Variants in IMMP2L observed in about 807,000 individuals in gnomAD.
IMMP2L encodes mitochondrial inner membrane protease subunit 2.
In IMMP2L, 18 loss-of-function variants were observed where a neutral mutation model predicts 19.3. The observed-to-expected ratio is 0.93, with a 90% CI of 0.64 to 1.38. The LOEUF is 1.38. IMMP2L is among the 40% of genes most tolerant of loss of function. The probability of loss-of-function intolerance (pLI) is 0.00; values close to 1 mark genes in which losing one functional copy is unlikely to be tolerated. For missense variants in IMMP2L, 233 were observed against 218.2 expected, an observed-to-expected ratio of 1.07 and a Z score of -0.43; for synonymous variants, 76 against 73.0, an observed-to-expected ratio of 1.04 and a Z score of -0.21.
At chr7:110,926,359 T>C (rs1303422413) in intron 4 of IMMP2L, among the ~76,000 whole-genome samples, 1 of 152,096 alleles carries the variant, frequency 6.6e-6, no homozygotes, top group African/African-American at 2.4e-5. Context: ...CTTTTCATCT[T>C]CTATTTAACC....
At chr7:111,108,416 T>C (rs2129582191) in intron 3 of IMMP2L, among the ~76,000 whole-genome samples, 1 of 152,264 alleles carries the variant, frequency 6.6e-6, no homozygotes, top group South Asian at 2.1e-4. Context: ...GTCACAAATT[T>C]TAAGAAACTA....
intron 5 of IMMP2L, among the ~76,000 whole-genome samples, chr7:110,866,061 T>C (rs1807949071): frequency 6.6e-6 from 1 of 151,988 alleles, no homozygotes; most frequent in African/African-American, 2.4e-5. Flanking sequence ...TCTATGACCT[T>C]TGAGTAATAA....
At chr7:110,700,459 C>T (rs902175689) in intron 5 of IMMP2L, among the ~76,000 whole-genome samples, 3 of 152,112 alleles carry the variant, frequency 2.0e-5, no homozygotes, top group Non-Finnish European at 2.9e-5. Context: ...ATATTCAGGC[C>T]GTAACTACTG....
intron 1 of IMMP2L, among the ~76,000 whole-genome samples, chr7:111,545,858 A>G (rs1343995889): frequency 6.6e-6 from 1 of 152,144 alleles, no homozygotes; most frequent in East Asian, 1.9e-4. Context: ...AATAACCTCC[A>G]TCCCTGTTCT....
intron 3 of IMMP2L, among the ~76,000 whole-genome samples, chr7:111,201,591 C>A (rs981037048): frequency 6.6e-6 from 1 of 151,934 alleles, no homozygotes; most frequent in Non-Finnish European, 1.5e-5. Context: ...GTGGCATGTA[C>A]CTATAGTCCC....
intron 3 of IMMP2L, among the ~76,000 whole-genome samples, chr7:111,225,570 A>G (rs1156983262): frequency 1.3e-5 from 2 of 151,920 alleles, no homozygotes; most frequent in Admixed American, 6.6e-5. Context: ...TCTATAGGAA[A>G]GTACTACTTA....
intron 5 of IMMP2L, among the ~76,000 whole-genome samples, chr7:110,808,481 A>G (rs1163853990): frequency 1.3e-5 from 2 of 152,042 alleles, no homozygotes; most frequent in East Asian, 1.9e-4. Flanking sequence ...TGAGCTATTA[A>G]TTGACTTAGC....
chr7:111,191,199 G>A (rs973496982), intron 3 of IMMP2L, among the ~76,000 whole-genome samples: 1 of 151,810 alleles, frequency 6.6e-6, no homozygotes, highest in Non-Finnish European at 1.5e-5. Context: ...TTTGTATTTT[G>A]AATGATATTC....
intron 5 of IMMP2L, among the ~76,000 whole-genome samples, chr7:110,719,222 A>G (rs568543391): frequency 1.3e-5 from 2 of 152,350 alleles, no homozygotes; most frequent in East Asian, 3.9e-4. Flanking sequence ...AGGAAAAGTC[A>G]ATGACTGTTG....
chr7:111,486,781 A>G (rs1842690773), intron 3 of IMMP2L, among the ~76,000 whole-genome samples: 1 of 152,144 alleles, frequency 6.6e-6, no homozygotes, highest in South Asian at 2.1e-4. Context: ...AGAAGCATCC[A>G]GTGCTAGTCT....
intron 3 of IMMP2L, among the ~76,000 whole-genome samples, chr7:111,293,732 C>T (rs537351580): frequency 9.9e-5 from 15 of 152,014 alleles, no homozygotes; most frequent in African/African-American, 3.6e-4. Flanking sequence ...CAATTTCTTC[C>T]ATACACCAGG....
intron 3 of IMMP2L, among the ~76,000 whole-genome samples, chr7:111,439,120 C>T (rs1837471214): frequency 6.6e-6 from 1 of 151,840 alleles, no homozygotes. Context: ...TGTCTTATAC[C>T]CCAGCATCCA....
chr7:111,186,094 A>G lies in IMMP2L; in HGVS notation c.240-222529T>C, dbSNP rs912813796. ...AAGTATTTTGCTAAATGAGTTCAGT[A>G]AAACTGGTTTCCTCTTAAATAACAT... is the stretch of plus-strand genomic sequence containing the variant. On this transcript the variant is annotated intron_variant, in intron 3 of 5. Transcript: ENST00000405709. 7.2e-5 allele frequency among the ~76,000 whole-genome samples: 11 copies of G among 152,216 alleles called. No homozygotes were observed. In the South Asian group the frequency reaches 2.3e-3, roughly 31 times the overall value.
At chr7:111,506,712 C>A (rs1844942689) in intron 2 of IMMP2L, among the ~76,000 whole-genome samples, 1 of 151,648 alleles carries the variant, frequency 6.6e-6, no homozygotes, top group African/African-American at 2.4e-5. Flanking sequence ...TTTTTCAAAC[C>A]AGATCTTTCT....
chr7:111,446,202 G>C (rs558551960), intron 3 of IMMP2L, among the ~76,000 whole-genome samples: 3 of 152,054 alleles, frequency 2.0e-5, no homozygotes, highest in East Asian at 1.9e-4. Context: ...GGTGGAGCCC[G>C]CCACAGCTCA....
At chr7:110,769,502 T>G (rs1798894657) in intron 5 of IMMP2L, among the ~76,000 whole-genome samples, 1 of 152,174 alleles carries the variant, frequency 6.6e-6, no homozygotes, top group Non-Finnish European at 1.5e-5. Context: ...CATTTTTGTA[T>G]TCTGCTAGAT....
intron 3 of IMMP2L, among the ~76,000 whole-genome samples, chr7:110,977,001 G>A (rs1158966192): frequency 6.6e-6 from 1 of 151,798 alleles, no homozygotes; most frequent in Non-Finnish European, 1.5e-5. Context: ...ACTCTAATAA[G>A]AAAGAGTAAG....
intron 3 of IMMP2L, among the ~76,000 whole-genome samples, chr7:111,308,832 C>T (rs1346399338): frequency 6.6e-6 from 1 of 151,920 alleles, no homozygotes; most frequent in East Asian, 1.9e-4. Flanking sequence ...TGCTGAGAAC[C>T]ATTCTTTTAT....
At chr7:111,413,878 C>T (rs1224247877) in intron 3 of IMMP2L, among the ~76,000 whole-genome samples, 1 of 151,626 alleles carries the variant, frequency 6.6e-6, no homozygotes, top group Non-Finnish European at 1.5e-5. Context: ...TTTCTGCTTC[C>T]GATATGCTTT....
Sources: gnomAD v4.1 joint callset for allele counts (sites outside exome capture counted in the v4.1 genomes callset) on GRCh38, gnomAD v4.1.1 for gene constraint, MANE v1.5 for transcripts, NCBI Gene and HGNC (gene_info 2026-07-23, HGNC 2026-07-21) for gene names.